LTV1: variants seen among roughly 807,000 people sequenced by gnomAD.
The protein encoded by LTV1 is protein LTV1 homolog.
In LTV1, 39 loss-of-function variants were observed where a neutral mutation model predicts 59.9. The ratio of observed to expected loss-of-function variants is 0.65; its 90% CI spans 0.50 to 0.85. The LOEUF (loss-of-function observed/expected upper bound fraction) is 0.85. LTV1 is among the 40% of genes least tolerant of loss of function. The pLI is 0.00. For missense variants in LTV1, 493 were observed against 549.1 expected, an observed-to-expected ratio of 0.90 and a Z score of 1.02; for synonymous variants, 171 against 189.5, an observed-to-expected ratio of 0.90 and a Z score of 0.80.
At chr6:143,858,214 A>G in intron 6 of LTV1, 3 of 581,350 alleles carry the variant, frequency 5.2e-6, no homozygotes, top group Non-Finnish European at 9.4e-6. Flanking sequence ...CTGCAAAGGG[A>G]GCATAGAACT....
At chr6:143,850,612 A>G (rs545874423) in intron 4 of LTV1, among the ~76,000 whole-genome samples, 31 of 152,106 alleles carry the variant, frequency 2.0e-4, no homozygotes, top group Non-Finnish European at 4.3e-4. Context: ...TCATTTTGCC[A>G]TCTACACATA....
intron 1 of LTV1, among the ~76,000 whole-genome samples, chr6:143,844,114 G>GC (rs1776848471): frequency 6.6e-6 from 1 of 152,212 alleles, no homozygotes; most frequent in African/African-American, 2.4e-5. Context: ...AGTTCAGTCG[G>GC]CCAGGGGCCT....
At position 143,857,478 on chromosome 6, in the gene LTV1, A is replaced by G. The variant is rs759187487; in HGVS notation, c.539+34A>G. On this transcript the variant is annotated intron_variant, in intron 5 of 10. Coordinates refer to ENST00000367576, the MANE Select transcript of LTV1 (RefSeq NM_032860.5). This position sits in a 1 kb window ranked among gnomAD's most constrained non-coding sequence, Gnocchi z 5.2. ...GGTTTGTTTCAAAGCAGAGATGATGACCTAAGTGTTACTGCTTCAGTGGGA... is the reference window on the plus strand; with the variant it reads ...GGTTTGTTTCAAAGCAGAGATGATGGCCTAAGTGTTACTGCTTCAGTGGGA... 6.4e-7 allele frequency: 1 copy of G among 1,573,010 alleles called. No individual in the cohort carries two copies. The highest frequency in any genetic ancestry group is 1.3e-5 in the African/African-American group (1 of 74,150).
At position 143,857,104 on chromosome 6, in the gene LTV1, T is replaced by C. The variant is rs1777089418; in HGVS notation, c.398-199T>C. Reference sequence around the variant, plus strand: ...TTATTTATAAGGTCCTGACTGGGGCTGAGGCAGCATTTTGTTTCCTTTTTT... The same window carrying C: ...TTATTTATAAGGTCCTGACTGGGGCCGAGGCAGCATTTTGTTTCCTTTTTT... On this transcript the variant is annotated intron_variant, in intron 4 of 10. Transcript: ENST00000367576. The surrounding 1 kb of genome is among the most constrained non-coding windows in gnomAD (Gnocchi z 5.2). 6.6e-6 allele frequency among the ~76,000 whole-genome samples: 1 copy of C among 152,228 alleles called. No individual in the cohort carries two copies. The highest frequency in any genetic ancestry group is 6.5e-5 in the Admixed American group (1 of 15,280).
Position 143,863,789 on chromosome 6 carries a change from A to G in LTV1, c.*262A>G. The G allele has an allele frequency of 3.5e-6, 1 of 286,992 alleles. No individual in the cohort carries two copies. The highest frequency in any genetic ancestry group is 4.6e-5 in the Admixed American group (1 of 21,558). The allele number at this position is 286,992 out of a possible 1,614,324, so 17.8% of individuals were successfully genotyped here. ...GAATGTGAAATGTTTGATAAATTAA[A>G]GGAAAATATCTTCATAACGTGAATG... is the stretch of plus-strand genomic sequence containing the variant. On this transcript the variant is annotated 3_prime_UTR_variant, in exon 11 of 11. Transcript: ENST00000367576. The surrounding 1 kb of genome is among the most constrained non-coding windows in gnomAD (Gnocchi z 4.5).
At chr6:143,848,321 C>T (rs79981792) in intron 3 of LTV1, among the ~76,000 whole-genome samples, 8,714 of 152,162 alleles carry the variant, frequency 0.057, 260 homozygotes, top group African/African-American at 0.085. Context: ...TTAAATTGTA[C>T]ACTTTAGGTG....
Position 143,850,116 on chromosome 6 carries a change from A to G in LTV1, c.310-15A>G. ...TTCCAAATAAACCTAACCATTGTGC[A>G]ATTTCTTTTTCAAGAGCACTGGAAT... On this transcript the variant is annotated splice_polypyrimidine_tract_variant and intron_variant, in intron 3 of 10. Coordinates refer to ENST00000367576, the MANE Select transcript of LTV1 (RefSeq NM_032860.5). 1 of 1,605,488 alleles carries G rather than the reference A, an allele frequency of 6.2e-7. No individual in the cohort carries two copies. The highest frequency in any genetic ancestry group is 8.5e-7 in the Non-Finnish European group (1 of 1,173,460).
At chr6:143,847,411 G>A (rs990599167) in intron 3 of LTV1, among the ~76,000 whole-genome samples, 32 of 152,184 alleles carry the variant, frequency 2.1e-4, no homozygotes, top group African/African-American at 7.5e-4. Context: ...GCCCAGGCTG[G>A]AGTGCAGTGG....
At position 143,855,983 on chromosome 6, in the gene LTV1, G is replaced by C. The variant is rs1208032771; in HGVS notation, c.398-1320G>C. On this transcript the variant is annotated intron_variant, in intron 4 of 10. Coordinates refer to ENST00000367576, the MANE Select transcript of LTV1 (RefSeq NM_032860.5). The surrounding 1 kb of genome is among the most constrained non-coding windows in gnomAD (Gnocchi z 4.6). ...CTGAATTTGAATGTTGGCCTCTCTT[G>C]CTAGGTTGGGTAAGTTCTCCTGGAT... Among the ~76,000 whole-genome samples the C allele has an allele frequency of 1.3e-5, 2 of 151,754 alleles. No homozygotes were observed. Among genetic ancestry groups the C allele is most frequent in the Non-Finnish European group, 2.9e-5 (2 of 67,988 alleles).
chr6:143,855,379 G>A lies in LTV1; in HGVS notation c.398-1924G>A, dbSNP rs142075713. On this transcript the variant is annotated intron_variant, in intron 4 of 10. Transcript: ENST00000367576. The surrounding 1 kb of genome is among the most constrained non-coding windows in gnomAD (Gnocchi z 4.6). The stretch of plus-strand genomic sequence containing the variant: ...GGTCTCCTGAATACAGCACACTGAT[G>A]GGTCTTGACTCTTTATCCAATTTGC... Among the ~76,000 whole-genome samples, 4,116 of 152,220 alleles carry A rather than the reference G, an allele frequency of 0.027. 104 individuals are homozygous for A. The highest frequency in any genetic ancestry group is 0.071 in the Admixed American group (1,092 of 15,284).
chr6:143,862,595 CAT>C lies in LTV1; in HGVS notation c.1064-244_1064-243del, dbSNP rs997872732. On this transcript the variant is annotated intron_variant, in intron 8 of 10. Transcript: ENST00000367576. This position sits in a 1 kb window ranked among gnomAD's most constrained non-coding sequence, Gnocchi z 4.2. ...GAGCAAAACTCTGTCTAAAAAAAAA[CAT>C]ATATCAACTTTGAAAAAATACATAT... Among the ~76,000 whole-genome samples, 3 of 150,160 alleles carry C rather than the reference CAT, an allele frequency of 2.0e-5. No homozygotes were observed. The highest frequency in any genetic ancestry group is 4.4e-5 in the Non-Finnish European group (3 of 67,922).
In LTV1 at chr6:143,862,926, G is replaced by C. The variant is rs753242956; in HGVS notation, c.1116+30G>C. The C allele has an allele frequency of 6.5e-7, 1 of 1,534,516 alleles. No individual in the cohort carries two copies. The highest frequency in any genetic ancestry group is 1.1e-5 in the South Asian group (1 of 89,458). ...GTCCTAGTGTGCTGAGCTATTTGAA[G>C]GATGCAGTGCATAAAAAATAGAGTG... is the stretch of plus-strand genomic sequence containing the variant. On this transcript the variant is annotated intron_variant, in intron 9 of 10. Transcript: ENST00000367576. This position sits in a 1 kb window ranked among gnomAD's most constrained non-coding sequence, Gnocchi z 4.2.
At chr6:143,853,550 T>G (rs1047943146) in intron 4 of LTV1, among the ~76,000 whole-genome samples, 1 of 152,228 alleles carries the variant, frequency 6.6e-6, no homozygotes, top group Non-Finnish European at 1.5e-5. Context: ...TTGTGCCGGT[T>G]TTCAAAGGGA....
At chr6:143,843,584 C>G (rs899084231) in intron 1 of LTV1, 104 bp downstream of exon 1, 19 of 1,449,108 alleles carry the variant, frequency 1.3e-5, no homozygotes, top group Non-Finnish European at 1.3e-5. Flanking sequence ...CTGGGTCATG[C>G]CAGAGGCTGC....
In LTV1 at chr6:143,862,286, G is replaced by A; in HGVS notation, c.1063+43G>A. On this transcript the variant is annotated intron_variant, in intron 8 of 10. Transcript: ENST00000367576. This position sits in a 1 kb window ranked among gnomAD's most constrained non-coding sequence, Gnocchi z 4.2. ...ATGATAGTAATTTTAAAGTATTAAA[G>A]TATATCAACTTTAGGCTGGGTGCGG... is the stretch of plus-strand genomic sequence containing the variant. The A allele has an allele frequency of 6.3e-7, 1 of 1,578,326 alleles. No individual in the cohort carries two copies. Among genetic ancestry groups the A allele is most frequent in the Non-Finnish European group, 8.7e-7 (1 of 1,152,400 alleles).
intron 6 of LTV1, among the ~76,000 whole-genome samples, chr6:143,859,722 AATT>A (rs1402060328): frequency 2.6e-5 from 4 of 152,244 alleles, no homozygotes; most frequent in African/African-American, 4.8e-5. Context: ...ATAATATAGT[AATT>A]ATTGTCTAAA....
rs1777191263 is a variant in LTV1, at chr6:143,862,865, A to T, written c.1085A>T (p.Asn362Ile). Residue 362 changes from asparagine to isoleucine, a missense_variant, in exon 9 of 11, where the codon AAC becomes ATC. Asn to Ile is a moderately radical substitution (Grantham distance 149). Coordinates refer to ENST00000367576, the MANE Select transcript of LTV1 (RefSeq NM_032860.5). This position sits in a 1 kb window ranked among gnomAD's most constrained non-coding sequence, Gnocchi z 4.2. ...SICSTYSNLY[N>I]HPQLIKYQPK... ...TTAGGTACATACTCAAATTTATATAACCATCCACAGCTTATCAAGTATCAA... is the reference window on the plus strand; with the variant it reads ...TTAGGTACATACTCAAATTTATATATCCATCCACAGCTTATCAAGTATCAA... The T allele has an allele frequency of 6.3e-7, 1 of 1,593,190 alleles. No homozygotes were observed. The highest frequency in any genetic ancestry group is 2.2e-5 in the East Asian group (1 of 44,716).
chr6:143,855,694 A>C lies in LTV1; in HGVS notation c.398-1609A>C, dbSNP rs1777063626. Among the ~76,000 whole-genome samples the C allele has an allele frequency of 6.6e-6, 1 of 152,060 alleles. No individual in the cohort carries two copies. Among genetic ancestry groups the C allele is most frequent in the African/African-American group, 2.4e-5 (1 of 41,388 alleles). On this transcript the variant is annotated intron_variant, in intron 4 of 10. Transcript: ENST00000367576. The surrounding 1 kb of genome is among the most constrained non-coding windows in gnomAD (Gnocchi z 4.6). ...CTGGAAAGGATTTTATTTCTCCTTC[A>C]CTTACAAAACTTAATTTGGCTGGAT...
intron 4 of LTV1, among the ~76,000 whole-genome samples, chr6:143,853,599 G>T (rs1162097884): frequency 6.6e-6 from 1 of 152,208 alleles, no homozygotes; most frequent in African/African-American, 2.4e-5. Context: ...GATATTGGCT[G>T]AGGGTTTGTC....
Sources: allele counts gnomAD v4.1 joint callset (sites outside exome capture counted in the v4.1 genomes callset), GRCh38; gene constraint gnomAD v4.1.1; non-coding constraint Gnocchi (gnomAD v3.1); transcripts MANE v1.5; gene names NCBI Gene and HGNC (gene_info 2026-07-23, HGNC 2026-07-21).